Variants in PATJ observed in about 807,000 individuals in gnomAD.
PATJ encodes the protein inaD-like protein.
A neutral mutation model predicts 224.9 loss-of-function variants in PATJ; 190 were observed. The observed-to-expected ratio is 0.84, with a 90% CI of 0.75 to 0.95. The LOEUF (loss-of-function observed/expected upper bound fraction) is 0.95. Ranked by LOEUF, PATJ falls within the 40% of genes least tolerant of loss-of-function variation. PATJ has a pLI of 0.00. For synonymous variants in PATJ, 769 were observed against 820.3 expected (o/e 0.94, Z 1.07); for missense variants, 2,121 against 2,270.3 (o/e 0.93, Z 1.34).
chr1:62,072,637 G>A (rs1657619574), intron 31 of PATJ: 1 of 151,366 alleles, frequency 6.6e-6, no homozygotes, highest in Non-Finnish European at 1.5e-5. Flanking sequence ...AACCAGCCCA[G>A]GTCAGAAACA....
intron 14 of PATJ, among the ~76,000 whole-genome samples, chr1:61,816,922 C>G (rs1243943427): frequency 1.3e-5 from 2 of 152,140 alleles, no homozygotes; most frequent in African/African-American, 4.8e-5. Flanking sequence ...TACTCTGATT[C>G]TGTAGGTTTG....
At chr1:61,948,455 A>T (rs889525003) in intron 27 of PATJ, among the ~76,000 whole-genome samples, 1 of 152,252 alleles carries the variant, frequency 6.6e-6, no homozygotes, top group African/African-American at 2.4e-5. Flanking sequence ...CAACAGACAC[A>T]TGAAAAAATG....
chr1:61,879,857 T>G (rs1667848300), intron 21 of PATJ, among the ~76,000 whole-genome samples: 1 of 151,900 alleles, frequency 6.6e-6, no homozygotes, highest in Admixed American at 6.6e-5. Flanking sequence ...TTTTTCTTTT[T>G]AGATAGAGTC....
intron 28 of PATJ, 89 bp from the exon 29 acceptor site, chr1:62,017,767 T>C: frequency 1.6e-6 from 1 of 626,876 alleles, no homozygotes. Context: ...AGAAAAGAAA[T>C]TCAGTAGACT....
intron 33 of PATJ, among the ~76,000 whole-genome samples, chr1:62,107,177 G>C (rs972250745): frequency 6.6e-5 from 10 of 151,962 alleles, no homozygotes; most frequent in Admixed American, 5.9e-4. Flanking sequence ...GTGGTGGCGG[G>C]CACCTGTAGT....
rs1162937245 is a variant in PATJ at position 61,908,496 on chromosome 1, C to T, written c.3492+14C>T. ...TCCACTCCACGAGTAAGTTTTAGTTCATATTTTCAAAAAGTTTAACAACAC... is the reference window on the plus strand; with the variant it reads ...TCCACTCCACGAGTAAGTTTTAGTTTATATTTTCAAAAAGTTTAACAACAC... On this transcript the variant is annotated intron_variant, in intron 25 of 43. Transcript: ENST00000642238. 3 of 1,559,996 alleles carry T rather than the reference C, an allele frequency of 1.9e-6. No homozygotes were observed. In the African/African-American group the frequency reaches 4.1e-5, roughly 21 times the overall value.
chr1:61,801,543 C>A, intron 11 of PATJ, 80 bp from the exon 12 acceptor site: 2 of 759,928 alleles, frequency 2.6e-6, no homozygotes, highest in South Asian at 8.7e-5. Context: ...AAAATCTGCT[C>A]ACTTAAATAT....
rs1356411061 is a variant in PATJ, at chr1:62,086,230, GTGTGTGTGTGTGTA to G, written c.4377+1596_4377+1609del. ...CTCAAGATGTGATTAATTAATGCAT[GTGTGTGTGTGTGTA>G]TGTGTGTGTGTGTGTTTAATACCTG... On this transcript the variant is annotated intron_variant, in intron 33 of 43. Coordinates refer to ENST00000642238, the MANE Select transcript of PATJ (RefSeq NM_001350145.3). The surrounding 1 kb of genome is among the most constrained non-coding windows in gnomAD (Gnocchi z 4.0). 9.3e-6 allele frequency among the ~76,000 whole-genome samples: 1 copy of G among 108,078 alleles called. No individual in the cohort carries two copies. The highest frequency in any genetic ancestry group is 2.1e-5 in the Non-Finnish European group (1 of 47,500). The allele number at this position is 108,078 out of a possible 152,430, so 70.9% of individuals were successfully genotyped here.
At chr1:61,988,185 C>T (rs1206665398) in intron 27 of PATJ, among the ~76,000 whole-genome samples, 1 of 152,034 alleles carries the variant, frequency 6.6e-6, no homozygotes, top group African/African-American at 2.4e-5. Context: ...GGTGATAGAG[C>T]AAGACTTCAT....
chr1:62,088,869 C>CATATAT (rs34546051), intron 33 of PATJ, among the ~76,000 whole-genome samples: 46 of 143,484 alleles, frequency 3.2e-4, no homozygotes, highest in African/African-American at 1.1e-3. Context: ...ATATATAGAA[C>CATATAT]ATATATATAT....
rs1241113046 is a variant in PATJ at position 62,162,631 on chromosome 1, G to A, written c.*1577G>A. 1.3e-5 allele frequency: 2 copies of A among 149,308 alleles called. No homozygotes were observed. Among genetic ancestry groups the A allele is most frequent in the African/African-American group, 5.2e-5 (2 of 38,686 alleles). 9.2% of individuals were successfully genotyped at this position (149,308 alleles called of 1,614,324 possible). A position where few individuals can be genotyped will look rare whatever the true frequency, so the allele number is the denominator to read the frequency against. On this transcript the variant is annotated 3_prime_UTR_variant, in exon 44 of 44. Coordinates refer to ENST00000642238, the MANE Select transcript of PATJ (RefSeq NM_001350145.3). ...GAAAAAGGGAGAGATGCTTACTGGT[G>A]GATGCTATAGAGTCCTCTGTTTTTA...
chr1:62,127,677 C>T (rs964711538), intron 39 of PATJ, among the ~76,000 whole-genome samples: 31 of 152,080 alleles, frequency 2.0e-4, no homozygotes, highest in African/African-American at 6.8e-4. Flanking sequence ...TGTGGTGGCG[C>T]GCACTTGTAA....
intron 23 of PATJ, among the ~76,000 whole-genome samples, chr1:61,900,715 G>A (rs968131767): frequency 5.9e-5 from 9 of 151,936 alleles, no homozygotes; most frequent in African/African-American, 1.4e-4. Context: ...TCAGCCTCCG[G>A]AGTAGCTGGG....
At chr1:61,794,899 T>C (rs1311958306) in intron 9 of PATJ, among the ~76,000 whole-genome samples, 11 of 151,924 alleles carry the variant, frequency 7.2e-5, no homozygotes, top group Admixed American at 7.2e-4. Flanking sequence ...GGAGAATCAC[T>C]TGAACTCTGA....
intron 34 of PATJ, among the ~76,000 whole-genome samples, chr1:62,110,239 G>A (rs6688017): frequency 0.26 from 39,523 of 152,056 alleles, 5,870 homozygotes; most frequent in South Asian, 0.41. Flanking sequence ...GTCAGGGAAC[G>A]TGTTTCCTTT....
chr1:61,892,806 T>G (rs1336992663), intron 22 of PATJ, among the ~76,000 whole-genome samples: 1 of 152,146 alleles, frequency 6.6e-6, no homozygotes, highest in Non-Finnish European at 1.5e-5. Flanking sequence ...TTGATAATAT[T>G]GATAAACTGA....
chr1:62,014,483 CA>C (rs1271615632), intron 28 of PATJ, among the ~76,000 whole-genome samples: 1 of 151,726 alleles, frequency 6.6e-6, no homozygotes, highest in East Asian at 1.9e-4. Context: ...TTGGTTTTAC[CA>C]GTTAGTATAT....
intron 24 of PATJ, among the ~76,000 whole-genome samples, chr1:61,908,142 T>C (rs1462197330): frequency 6.6e-6 from 1 of 152,240 alleles, no homozygotes; most frequent in Non-Finnish European, 1.5e-5. Context: ...AGGGATGTTT[T>C]TATTAATGTA....
At position 62,128,018 on chromosome 1, in the gene PATJ, G is replaced by C. The variant is rs1464889904; in HGVS notation, c.5090G>C (p.Ser1697Thr). ...ATCAGTATTGCTGGAGGAAGAGGAA[G>C]TCCCTTAGGAGATATCCCCGTATTT... The part of the protein sequence containing the change: ...LGISIAGGRG[S>T]PLGDIPVFIA... Residue 1697 changes from serine to threonine, a missense_variant, in exon 40 of 44, where the codon AGT becomes ACT. Ser to Thr is a moderately conservative substitution (Grantham distance 58). Coordinates refer to ENST00000642238, the MANE Select transcript of PATJ (RefSeq NM_001350145.3). 6.2e-7 allele frequency: 1 copy of C among 1,613,918 alleles called. No individual in the cohort carries two copies. The highest frequency in any genetic ancestry group is 1.7e-5 in the Admixed American group (1 of 59,986).
Sources: gnomAD v4.1 joint callset for allele counts (sites outside exome capture counted in the v4.1 genomes callset) on GRCh38, gnomAD v4.1.1 for gene constraint, Gnocchi (gnomAD v3.1) non-coding constraint, MANE v1.5 for transcripts, NCBI Gene and HGNC (gene_info 2026-07-23, HGNC 2026-07-21) for gene names.